Variants in GNB5 observed in about 807,000 individuals in gnomAD.
GNB5 encodes the protein G protein subunit beta 5.
In GNB5, 37 loss-of-function variants were observed where a neutral mutation model predicts 55.3. The ratio of observed to expected loss-of-function variants is 0.67; its 90% CI spans 0.51 to 0.88. The LOEUF (loss-of-function observed/expected upper bound fraction) is 0.88, where lower values mean the gene tolerates loss of function less well. GNB5 is among the 40% of genes least tolerant of loss of function. The pLI is 0.00. For missense variants in GNB5, 476 were observed against 515.3 expected, an observed-to-expected ratio of 0.92 and a Z score of 0.74; for synonymous variants, 219 against 198.5, an observed-to-expected ratio of 1.10 and a Z score of -0.87.
intron 2 of GNB5, among the ~76,000 whole-genome samples, chr15:52,183,269 C>A (rs974135153): frequency 1.4e-5 from 2 of 147,996 alleles, no homozygotes; most frequent in African/African-American, 4.9e-5. Context: ...ATCTGGGATT[C>A]TTGGGCTTAT....
rs2034055746 is a variant in GNB5 at position 52,149,900 on chromosome 15, G to A, written c.401C>T (p.Ser134Phe). 1 of 1,612,186 alleles carries A rather than the reference G, an allele frequency of 6.2e-7. No homozygotes were observed. Among genetic ancestry groups the A allele is most frequent in the Non-Finnish European group, 8.5e-7 (1 of 1,178,374 alleles). Residue 134 changes from serine (S) to phenylalanine (F), a missense_variant, in exon 5 of 13, where the codon TCC (serine) becomes TTC (phenylalanine). Physicochemically the swap from Ser to Phe is radical, Grantham distance 155 (BLOSUM62 -2). Transcript: ENST00000261837. ...ATGCCTCACCTTGTTTGTGGTGAAG[G>A]AATCCCACACGATCACCTTCCCATC... is the stretch of plus-strand genomic sequence containing the variant. ...SQDGKVIVWD[S>F]FTTNKEHAVT...
At position 52,126,022 on chromosome 15, in the gene GNB5, G is replaced by T; in HGVS notation, c.935C>A (p.Ala312Glu). 1 of 1,579,320 alleles carries T rather than the reference G, an allele frequency of 6.3e-7. No individual in the cohort carries two copies. Among genetic ancestry groups the T allele is most frequent in the Non-Finnish European group, 8.7e-7 (1 of 1,151,234 alleles). The part of the protein sequence containing the change: ...DATCRLYDLR[A>E]DREVAIYSKE... The stretch of plus-strand genomic sequence containing the variant: ...GGAATAGATGGCAACCTCCCTATCT[G>T]CCCGCAGGTCATAGAGGCGACACTG... Residue 312 changes from alanine to glutamate, a missense_variant, in exon 11 of 13, where the codon GCA becomes GAA. Physicochemically the swap from Ala to Glu is moderately radical, Grantham distance 107. Transcript: ENST00000261837.
At chr15:52,138,031 G>A in intron 7 of GNB5, 2 of 1,057,588 alleles carry the variant, frequency 1.9e-6, no homozygotes, top group Non-Finnish European at 1.3e-6. Context: ...ATTTCCAGCT[G>A]CTGATGGGAT....
intron 3 of GNB5, among the ~76,000 whole-genome samples, chr15:52,162,050 C>A (rs1345757322): frequency 6.6e-6 from 1 of 152,136 alleles, no homozygotes; most frequent in Non-Finnish European, 1.5e-5. Context: ...AATATCACAT[C>A]TACCCCTGGA....
intron 3 of GNB5, among the ~76,000 whole-genome samples, chr15:52,177,384 G>A (rs1435299385): frequency 6.6e-6 from 1 of 151,884 alleles, no homozygotes; most frequent in African/African-American, 2.4e-5. Flanking sequence ...ATGGCTGAGT[G>A]CGGTGGCTCA....
rs1009356881 is a variant in GNB5, at chr15:52,118,478, T to G, written c.*4279A>C. On this transcript the variant is annotated 3_prime_UTR_variant, in exon 13 of 13. Coordinates refer to ENST00000261837, the MANE Select transcript of GNB5 (RefSeq NM_016194.4). ...AATGGAACGTGTGCATCTGTATTCT[T>G]GTGTTTTATAACTTTTTCTCAGTCT... The G allele has an allele frequency of 6.6e-6, 1 of 152,186 alleles. No individual in the cohort carries two copies. Among genetic ancestry groups the G allele is most frequent in the Non-Finnish European group, 1.5e-5 (1 of 68,034 alleles). The allele number at this position is 152,186 out of a possible 1,614,324, so 9.4% of individuals were successfully genotyped here. A position where few individuals can be genotyped will look rare whatever the true frequency, so the allele number is the denominator to read the frequency against.
At chr15:52,137,544 G>A (rs532251690) in intron 7 of GNB5, 1 of 1,025,688 alleles carries the variant, frequency 9.7e-7, no homozygotes, top group East Asian at 9.4e-5. Flanking sequence ...CTCTGGCAGA[G>A]GCCCAAAGAG....
At chr15:52,124,308 G>A (rs1566931067) in intron 12 of GNB5, among the ~76,000 whole-genome samples, 165 bp downstream of exon 12, 1 of 152,224 alleles carries the variant, frequency 6.6e-6, no homozygotes, top group African/African-American at 2.4e-5. Flanking sequence ...ACCTCTCCAG[G>A]CAACCCATTC....
chr15:52,134,462 T>C (rs1188424561), intron 8 of GNB5, among the ~76,000 whole-genome samples: 1 of 152,150 alleles, frequency 6.6e-6, no homozygotes, highest in African/African-American at 2.4e-5. Context: ...CAGAAAGGCC[T>C]TCACATCTTT....
chr15:52,190,529 A>C (rs550517441), intron 1 of GNB5, among the ~76,000 whole-genome samples: 1 of 152,350 alleles, frequency 6.6e-6, no homozygotes, highest in East Asian at 1.9e-4. Flanking sequence ...GTCATCATAG[A>C]AATACAAAGT....
At chr15:52,172,809 T>A (rs1182969094) in intron 3 of GNB5, among the ~76,000 whole-genome samples, 1 of 152,122 alleles carries the variant, frequency 6.6e-6, no homozygotes, top group East Asian at 1.9e-4. Flanking sequence ...AAAAGCACCT[T>A]CACTTTCCAT....
chr15:52,128,740 A>G, intron 9 of GNB5: 1 of 457,626 alleles, frequency 2.2e-6, no homozygotes, highest in South Asian at 1.5e-5. Flanking sequence ...TGTGAAGATT[A>G]CATAAGACAG....
chr15:52,158,626 C>T (rs895692337), intron 3 of GNB5, among the ~76,000 whole-genome samples: 1 of 152,006 alleles, frequency 6.6e-6, no homozygotes, highest in Non-Finnish European at 1.5e-5. Flanking sequence ...GACCTACTTT[C>T]TGATCCAAGG....
At chr15:52,185,500 A>G (rs1188274909) in intron 1 of GNB5, among the ~76,000 whole-genome samples, 2 of 152,188 alleles carry the variant, frequency 1.3e-5, no homozygotes, top group African/African-American at 2.4e-5. Context: ...AGTGGCAGCA[A>G]TAGCGGGAAC....
intron 3 of GNB5, among the ~76,000 whole-genome samples, chr15:52,163,164 T>C (rs1233494631): frequency 6.6e-6 from 1 of 152,114 alleles, no homozygotes; most frequent in Non-Finnish European, 1.5e-5. Flanking sequence ...TTCCCACAGA[T>C]CTTTGCAACC....
In GNB5 at chr15:52,184,548, T is replaced by TA; in HGVS notation, c.126+2dup. ...AACTGAATTTTTTTTAAGTGGCACTTACAATTTCTGCACATGTTGAACAGT... is the reference window on the plus strand; with the variant it reads ...AACTGAATTTTTTTTAAGTGGCACTTAACAATTTCTGCACATGTTGAACAGT... On this transcript the variant is annotated splice_region_variant and intron_variant, in intron 2 of 12. Coordinates refer to ENST00000261837, the MANE Select transcript of GNB5 (RefSeq NM_016194.4). 1 of 1,612,964 alleles carries TA rather than the reference T, an allele frequency of 6.2e-7. No individual in the cohort carries two copies. Among genetic ancestry groups the TA allele is most frequent in the Non-Finnish European group, 8.5e-7 (1 of 1,179,114 alleles).
At chr15:52,137,521 A>C (rs2033752889) in intron 7 of GNB5, 1 of 1,016,932 alleles carries the variant, frequency 9.8e-7, no homozygotes, top group East Asian at 9.7e-5. Flanking sequence ...AAGCAAACGT[A>C]TGTTTTAGGA....
chr15:52,170,610 T>C (rs2034537614), intron 3 of GNB5, among the ~76,000 whole-genome samples: 1 of 152,020 alleles, frequency 6.6e-6, no homozygotes, highest in Non-Finnish European at 1.5e-5. Flanking sequence ...GGCTTAATAC[T>C]TAGGTGATGG....
At chr15:52,128,741 C>T (rs1246208605) in intron 9 of GNB5, 1 of 457,502 alleles carries the variant, frequency 2.2e-6, no homozygotes, top group East Asian at 6.9e-5. Context: ...GTGAAGATTA[C>T]ATAAGACAGT....
Sources: allele counts gnomAD v4.1 joint callset (sites outside exome capture counted in the v4.1 genomes callset), GRCh38; gene constraint gnomAD v4.1.1; transcripts MANE v1.5; gene names NCBI Gene and HGNC (gene_info 2026-07-23, HGNC 2026-07-21).